FLNB: variants seen among roughly 807,000 people sequenced by gnomAD.
The protein encoded by FLNB is filamin B.
In FLNB, 111 loss-of-function variants were observed where a neutral mutation model predicts 250.6. The ratio of observed to expected loss-of-function variants is 0.44; its 90% confidence interval spans 0.38 to 0.52. The LOEUF (loss-of-function observed/expected upper bound fraction) is 0.52. Ranked by LOEUF, FLNB falls within the 20% of genes least tolerant of loss-of-function variation. FLNB has a pLI of 0.00. For missense variants in FLNB, 2,869 were observed against 3,447.8 expected, an observed-to-expected ratio of 0.83 and a Z score of 4.20; for synonymous variants, 1,302 against 1,372.1, an observed-to-expected ratio of 0.95 and a Z score of 1.13.
chr3:58,134,761 G>C lies in FLNB; in HGVS notation c.4660G>C (p.Val1554Leu). 6.2e-7 allele frequency: 1 copy of C among 1,614,054 alleles called. No homozygotes were observed. Among genetic ancestry groups the C allele is most frequent in the Non-Finnish European group, 8.5e-7 (1 of 1,179,908 alleles). The change falls in exon 27 of 46, where the codon GTT (valine) becomes CTT (leucine). Residue 1554 changes from valine (V) to leucine (L), a missense_variant. Val to Leu is a conservative substitution (Grantham distance 32). Coordinates refer to ENST00000295956, the MANE Select transcript of FLNB (RefSeq NM_001457.4). ...ARDAGEGLLA[V>L]QITDQEGKPK... ...AGATGCCGGGGAAGGCCTGCTTGCT[G>C]TTCAAATAACGGTAACTTGGAGTTA...
chr3:58,034,556 C>T (rs976944331), intron 1 of FLNB, among the ~76,000 whole-genome samples: 4 of 152,092 alleles, frequency 2.6e-5, no homozygotes, highest in African/African-American at 9.7e-5. Flanking sequence ...ATGAGGAAAC[C>T]GAGGCACTGA....
At chr3:58,147,135 G>C (rs919774651) in intron 34 of FLNB, 142 bp downstream of exon 34, 2 of 783,430 alleles carry the variant, frequency 2.6e-6, no homozygotes, top group Non-Finnish European at 4.1e-6. Context: ...GAGGAGCAGG[G>C]GATGGAATGC....
chr3:58,166,397 CTGGGTGACATA>C (rs762273120), intron 43 of FLNB, among the ~76,000 whole-genome samples: 49 of 151,970 alleles, frequency 3.2e-4, no homozygotes, highest in Admixed American at 4.6e-4. Flanking sequence ...TGAGACCAGC[CTGGGTGACATA>C]GTAAAACTCC....
intron 1 of FLNB, among the ~76,000 whole-genome samples, chr3:58,074,092 A>T (rs2097198435): frequency 6.6e-6 from 1 of 152,230 alleles, no homozygotes; most frequent in Admixed American, 6.5e-5. Context: ...CTCAGGAAGA[A>T]CCCATGATAT....
chr3:58,109,694 G>C lies in FLNB; in HGVS notation c.2318G>C (p.Gly773Ala), dbSNP rs373528443. 40 of 1,613,984 alleles carry C rather than the reference G, an allele frequency of 2.5e-5. No individual in the cohort carries two copies. The highest frequency in any genetic ancestry group is 3.3e-5 in the Non-Finnish European group (39 of 1,180,028). The change falls in exon 15 of 46, where the codon GGG (glycine) becomes GCG (alanine). Residue 773 changes from glycine to alanine, a missense_variant. Physicochemically the swap from Gly to Ala is moderately conservative, Grantham distance 60 (BLOSUM62 0). Coordinates refer to ENST00000295956, the MANE Select transcript of FLNB (RefSeq NM_001457.4). ...TTCACGGTGGACTGTACTGAGGCTG[G>C]GGAAGGTGAGAAAGGGCTTTGTTCA... is the stretch of plus-strand genomic sequence containing the variant. Reference protein sequence around the residue: ...THFTVDCTEAGEGDVSVGIKC... With the variant: ...THFTVDCTEAAEGDVSVGIKC...
intron 28 of FLNB, among the ~76,000 whole-genome samples, chr3:58,136,664 G>A: frequency 6.9e-6 from 1 of 144,722 alleles, no homozygotes; most frequent in African/African-American, 2.6e-5. Flanking sequence ...GAGCATCACA[G>A]TTTCTTTGGT....
At position 58,061,012 on chromosome 3, in the gene FLNB, G is replaced by A. The variant is rs190297809; in HGVS notation, c.293-16034G>A. The stretch of plus-strand genomic sequence containing the variant: ...TTTGGATGGCCACTGAGAAAGCTGA[G>A]CCAAGGAGCATCAGAAAGACAATCA... On this transcript the variant is annotated intron_variant, in intron 1 of 45. Coordinates refer to ENST00000295956, the MANE Select transcript of FLNB (RefSeq NM_001457.4). Among the ~76,000 whole-genome samples, 9 of 152,208 alleles carry A rather than the reference G, an allele frequency of 5.9e-5. No homozygotes were observed. The East Asian group carries it at 1.7e-3, about 29-fold the overall frequency.
chr3:58,030,992 A>G (rs1375224648), intron 1 of FLNB, among the ~76,000 whole-genome samples: 1 of 152,220 alleles, frequency 6.6e-6, no homozygotes, highest in Non-Finnish European at 1.5e-5. Context: ...TCCATATGCT[A>G]TGATACCGTT....
chr3:58,094,590 A>G (rs1457544168), intron 4 of FLNB, among the ~76,000 whole-genome samples: 2 of 152,226 alleles, frequency 1.3e-5, no homozygotes, highest in Non-Finnish European at 2.9e-5. Flanking sequence ...TTATTTCCAC[A>G]ATTTTATATA....
intron 1 of FLNB, among the ~76,000 whole-genome samples, chr3:58,072,436 A>G (rs891832800): frequency 2.0e-5 from 3 of 152,176 alleles, no homozygotes; most frequent in Non-Finnish European, 2.9e-5. Flanking sequence ...GTTCTGCTCC[A>G]TGTTTTACCC....
chr3:58,063,351 T>TG (rs1314585091), intron 1 of FLNB, among the ~76,000 whole-genome samples: 1 of 152,196 alleles, frequency 6.6e-6, no homozygotes, highest in Non-Finnish European at 1.5e-5. Context: ...GGTCGGTCCC[T>TG]GGGCTGAGAG....
chr3:58,166,631 G>A (rs2107331679), intron 43 of FLNB, among the ~76,000 whole-genome samples: 1 of 152,200 alleles, frequency 6.6e-6, no homozygotes, highest in South Asian at 2.1e-4. Flanking sequence ...GACCAGCCCA[G>A]GCAACACAGC....
At position 58,123,316 on chromosome 3, in the gene FLNB, A is replaced by G. The variant is rs779765790; in HGVS notation, c.3350A>G (p.His1117Arg). Residue 1117 changes from histidine (H) to arginine (R), a missense_variant, in exon 21 of 46, where the codon CAC (histidine) becomes CGC (arginine). By Grantham distance (29) the His-to-Arg change is conservative. Coordinates refer to ENST00000295956, the MANE Select transcript of FLNB (RefSeq NM_001457.4). Reference protein sequence around the residue: ...YFVNILFEEVHIPGSPFKADI... With the variant: ...YFVNILFEEVRIPGSPFKADI... ...GTCAACATCCTCTTTGAAGAAGTCC[A>G]CATACCTGGGTCTCCCTTCAAAGCT... The G allele has an allele frequency of 5.6e-6, 9 of 1,614,054 alleles. No homozygotes were observed. The highest frequency in any genetic ancestry group is 5.0e-5 in the Admixed American group (3 of 60,006).
chr3:58,021,995 A>C (rs983913660), intron 1 of FLNB, among the ~76,000 whole-genome samples: 1 of 150,400 alleles, frequency 6.6e-6, no homozygotes, highest in South Asian at 2.1e-4. Context: ...CTGGTCTTGA[A>C]CTCCTGGGCT....
chr3:58,153,249 C>T (rs2097348153), intron 38 of FLNB, 126 bp from the exon 39 acceptor site: 1 of 1,120,134 alleles, frequency 8.9e-7, no homozygotes. Flanking sequence ...GGGAAGGAAG[C>T]CTGGGCACCT....
intron 4 of FLNB, among the ~76,000 whole-genome samples, chr3:58,089,562 G>C (rs1253979965): frequency 7.0e-6 from 1 of 142,434 alleles, no homozygotes; most frequent in African/African-American, 2.6e-5. Context: ...AAAAAAAAAA[G>C]GCTTCGGTAG....
intron 7 of FLNB, among the ~76,000 whole-genome samples, chr3:58,098,265 C>A (rs2097242557): frequency 6.6e-6 from 1 of 152,098 alleles, no homozygotes; most frequent in African/African-American, 2.4e-5. Flanking sequence ...ACCCTTCAAC[C>A]CCTAGAAAAT....
intron 14 of FLNB, 49 bp from the exon 15 acceptor site, chr3:58,109,527 T>C: frequency 6.2e-7 from 1 of 1,614,002 alleles, no homozygotes; most frequent in Non-Finnish European, 8.5e-7. Context: ...AGTATTTTAC[T>C]GGGTCCAAGT....
intron 1 of FLNB, among the ~76,000 whole-genome samples, 185 bp downstream of exon 1, chr3:58,009,041 C>T (rs1424426431): frequency 2.6e-5 from 4 of 152,078 alleles, no homozygotes; most frequent in Non-Finnish European, 5.9e-5. Flanking sequence ...GGGATGGGAC[C>T]TGTTGTGATC....
Sources: gnomAD v4.1 joint callset for allele counts (sites outside exome capture counted in the v4.1 genomes callset) on GRCh38, gnomAD v4.1.1 for gene constraint, MANE v1.5 for transcripts, NCBI Gene and HGNC (gene_info 2026-07-23, HGNC 2026-07-21) for gene names.